The following TTC7B variants were observed in gnomAD, a reference collection of about 807,000 sequenced individuals.
TTC7B encodes tetratricopeptide repeat domain 7B, also known as tetratricopeptide repeat protein 7B.
TTC7B carries 28 observed loss-of-function variants against 106.8 expected under a neutral mutation model. The observed-to-expected ratio is 0.26, with a 90% confidence interval of 0.19 to 0.36. The LOEUF (loss-of-function observed/expected upper bound fraction) is 0.36, where lower values mean the gene tolerates loss of function less well. Ranked by LOEUF, TTC7B falls within the 10% of genes least tolerant of loss-of-function variation. TTC7B has a pLI of 1.00. For missense variants in TTC7B, 862 were observed against 1,076.4 expected, an observed-to-expected ratio of 0.80 and a Z score of 2.79; for synonymous variants, 405 against 430.6, an observed-to-expected ratio of 0.94 and a Z score of 0.74.
rs1206529374 is a variant in TTC7B, at chr14:90,537,382, G to GC, written c.*3985_*3986insG. The GC allele has an allele frequency of 6.7e-6, 1 of 149,430 alleles. No individual in the cohort carries two copies. Among genetic ancestry groups the GC allele is most frequent in the Non-Finnish European group, 1.5e-5 (1 of 67,674 alleles). 9.3% of individuals were successfully genotyped at this position (149,430 alleles called of 1,614,324 possible). ...TTTTTTTTTGTAGAGATGGGGGGGG[G>GC]GTCTCACCATGTTGCCCAGGCTGGT... On this transcript the variant is annotated 3_prime_UTR_variant, in exon 20 of 20. Coordinates refer to ENST00000328459, the MANE Select transcript of TTC7B (RefSeq NM_001010854.2).
At chr14:90,721,849 T>C (rs756192843) in intron 5 of TTC7B, among the ~76,000 whole-genome samples, 18 of 152,254 alleles carry the variant, frequency 1.2e-4, no homozygotes, top group Admixed American at 2.0e-4. Context: ...GAACAGTATT[T>C]GGCACTAGTA....
chr14:90,813,641 C>T (rs1566901668), intron 1 of TTC7B, among the ~76,000 whole-genome samples: 3 of 150,266 alleles, frequency 2.0e-5, no homozygotes, highest in Non-Finnish European at 2.9e-5. Context: ...AAGAATCAGT[C>T]CCCCATCTGG....
intron 19 of TTC7B, among the ~76,000 whole-genome samples, chr14:90,573,302 C>T (rs1181874280): frequency 6.6e-6 from 1 of 152,182 alleles, no homozygotes; most frequent in Admixed American, 6.5e-5. Context: ...GTGGGGGCTC[C>T]ATCTCACTGC....
chr14:90,679,981 G>A (rs1886987724), intron 8 of TTC7B, among the ~76,000 whole-genome samples: 1 of 152,222 alleles, frequency 6.6e-6, no homozygotes, highest in Non-Finnish European at 1.5e-5. Context: ...GAGACAACAA[G>A]GGCAGGAGGA....
At chr14:90,745,297 C>CAAAAA (rs71461925) in intron 3 of TTC7B, among the ~76,000 whole-genome samples, 1 of 108,758 alleles carries the variant, frequency 9.2e-6, no homozygotes, top group Non-Finnish European at 2.0e-5. Flanking sequence ...CCCTGTCTCC[C>CAAAAA]AAAAAAAAAA....
intron 17 of TTC7B, among the ~76,000 whole-genome samples, chr14:90,609,962 A>G (rs905287503): frequency 4.9e-4 from 74 of 152,348 alleles, no homozygotes; most frequent in African/African-American, 1.7e-3. Context: ...AAATGCAGTC[A>G]AAACTTTGTC....
intron 15 of TTC7B, among the ~76,000 whole-genome samples, chr14:90,626,507 C>T (rs1444583812): frequency 6.6e-6 from 1 of 152,176 alleles, no homozygotes; most frequent in Non-Finnish European, 1.5e-5. Flanking sequence ...TTCATACTGT[C>T]ACCCCCATAA....
At position 90,805,169 on chromosome 14, in the gene TTC7B, A is replaced by G. The variant is rs572466761; in HGVS notation, c.121+11006T>C. ...CAGGTCTGCTAAGAGTTACAGGTGC[A>G]TCTCAGACATCAGTCCAGGGCCTCG... On this transcript the variant is annotated intron_variant, in intron 1 of 19. Transcript: ENST00000328459. This position sits in a 1 kb window ranked among gnomAD's most constrained non-coding sequence, Gnocchi z 4.0. 1.3e-5 allele frequency among the ~76,000 whole-genome samples: 2 copies of G among 152,264 alleles called. No individual in the cohort carries two copies. The highest frequency in any genetic ancestry group is 3.9e-4 in the East Asian group (2 of 5,164).
At chr14:90,661,632 C>A (rs1199771933) in intron 9 of TTC7B, among the ~76,000 whole-genome samples, 1 of 152,034 alleles carries the variant, frequency 6.6e-6, no homozygotes. Context: ...GGTAGATAAT[C>A]AAAAATAAGG....
intron 18 of TTC7B, among the ~76,000 whole-genome samples, chr14:90,585,074 C>G (rs547530070): frequency 6.6e-6 from 1 of 152,314 alleles, no homozygotes; most frequent in South Asian, 2.1e-4. Context: ...CAAGTGCCGT[C>G]CTACCCTGAG....
intron 3 of TTC7B, among the ~76,000 whole-genome samples, chr14:90,748,650 A>G (rs1890044396): frequency 6.6e-6 from 1 of 152,074 alleles, no homozygotes; most frequent in South Asian, 2.1e-4. Context: ...ATATTATACT[A>G]CTTCACATAT....
chr14:90,814,519 G>A (rs2031069829), intron 1 of TTC7B, among the ~76,000 whole-genome samples: 1 of 152,148 alleles, frequency 6.6e-6, no homozygotes, highest in East Asian at 1.9e-4. Context: ...AGGTGGGCAC[G>A]CAAATATTGG....
chr14:90,637,213 T>C (rs1286429), intron 15 of TTC7B, among the ~76,000 whole-genome samples: 2,568 of 152,104 alleles, frequency 0.017, 65 homozygotes, highest in African/African-American at 0.058. Context: ...ACAAATGCCA[T>C]ATGAAAAATA....
chr14:90,704,537 A>G (rs762136518), intron 5 of TTC7B, among the ~76,000 whole-genome samples: 1 of 152,172 alleles, frequency 6.6e-6, no homozygotes, highest in Non-Finnish European at 1.5e-5. Flanking sequence ...GGAAAATGTG[A>G]CTACCTCCTA....
rs1274439946 is a variant in TTC7B, at chr14:90,663,819, C to T, written c.1153-5432G>A. Among the ~76,000 whole-genome samples the T allele has an allele frequency of 1.3e-5, 2 of 152,176 alleles. No homozygotes were observed. On this transcript the variant is annotated intron_variant, in intron 9 of 19. Transcript: ENST00000328459. This position sits in a 1 kb window ranked among gnomAD's most constrained non-coding sequence, Gnocchi z 4.5. ...GGTGTGTGAGCTCTGGCATCACAGC[C>T]GATGGCGCTGCCTGCCAGTGGGCTC...
At chr14:90,780,470 A>AAAAGAAAGAAAG (rs34296215) in intron 3 of TTC7B, among the ~76,000 whole-genome samples, 16,327 of 146,366 alleles carry the variant, frequency 0.11, 1,872 homozygotes, top group African/African-American at 0.29. Flanking sequence ...GAAAGAAAGA[A>AAAAGAAAGAAAG]AAAGAAAGAA....
At position 90,776,494 on chromosome 14, in the gene TTC7B, G is replaced by A. The variant is rs150161467; in HGVS notation, c.445+4244C>T. ...ATTTCTTACATAATTCTAATGTACT[G>A]TGCTACGACAACATCAAATATCATT... On this transcript the variant is annotated intron_variant, in intron 3 of 19. Transcript: ENST00000328459. Among the ~76,000 whole-genome samples the A allele has an allele frequency of 6.2e-3, 946 of 152,246 alleles. 6 individuals are homozygous for A. The highest frequency in any genetic ancestry group is 9.0e-3 in the Non-Finnish European group (612 of 68,016).
At chr14:90,547,667 G>A (rs750702529) in intron 19 of TTC7B, among the ~76,000 whole-genome samples, 74 of 152,262 alleles carry the variant, frequency 4.9e-4, no homozygotes, top group Middle Eastern at 6.8e-3. Flanking sequence ...GTGTGCTGGC[G>A]CACATTGTGA....
chr14:90,719,547 C>G (rs1289061536), intron 5 of TTC7B, among the ~76,000 whole-genome samples: 1 of 152,132 alleles, frequency 6.6e-6, no homozygotes, highest in East Asian at 1.9e-4. Flanking sequence ...AGATGTTAAG[C>G]CAGGGCAGAT....
Sources: allele counts gnomAD v4.1 joint callset (sites outside exome capture counted in the v4.1 genomes callset), GRCh38; gene constraint gnomAD v4.1.1; non-coding constraint Gnocchi (gnomAD v3.1); transcripts MANE v1.5; gene names NCBI Gene and HGNC (gene_info 2026-07-23, HGNC 2026-07-21).